The following UBA5 variants were observed in gnomAD, a reference collection of about 807,000 sequenced individuals.
The protein encoded by UBA5 is ubiquitin like modifier activating enzyme 5.
Under a neutral mutation model 52.9 loss-of-function variants are expected in UBA5, and 28 were observed. The observed-to-expected ratio is 0.53, with a 90% CI of 0.39 to 0.73. The LOEUF (loss-of-function observed/expected upper bound fraction) is 0.73. Among genes scored for constraint, UBA5 ranks in the 30% least tolerant of loss-of-function variants. The probability of loss-of-function intolerance (pLI) is 0.00; values close to 1 mark genes in which losing one functional copy is unlikely to be tolerated. For missense variants in UBA5, 388 were observed against 492.7 expected, an observed-to-expected ratio of 0.79 and a Z score of 2.01; for synonymous variants, 135 against 162.1, an observed-to-expected ratio of 0.83 and a Z score of 1.27.
At chr3:132,662,846 G>A (rs777389328) in intron 1 of UBA5, among the ~76,000 whole-genome samples, 4 of 152,218 alleles carry the variant, frequency 2.6e-5, no homozygotes, top group Middle Eastern at 3.4e-3. Flanking sequence ...AACCCAAACC[G>A]TTTCCCTCAT....
Position 132,676,689 on chromosome 3 carries a change from C to A in UBA5, c.*163C>A. ...CCTGTGACTTGCCTGTTTCTCCCCG[C>A]TCCAACGAAATCATTAACTCTCCTA... On this transcript the variant is annotated 3_prime_UTR_variant, in exon 12 of 12. Coordinates refer to ENST00000356232, the MANE Select transcript of UBA5 (RefSeq NM_024818.6). The surrounding 1 kb of genome is among the most constrained non-coding windows in gnomAD (Gnocchi z 4.1). 1.6e-6 allele frequency: 1 copy of A among 616,790 alleles called. No individual in the cohort carries two copies. Among genetic ancestry groups the A allele is most frequent in the Non-Finnish European group, 2.9e-6 (1 of 342,588 alleles). 38.2% of individuals were successfully genotyped at this position (616,790 alleles called of 1,614,324 possible).
upstream of UBA5, among the ~76,000 whole-genome samples, chr3:132,655,764 T>C (rs1297674937): frequency 6.6e-6 from 1 of 152,226 alleles, no homozygotes; most frequent in African/African-American, 2.4e-5. Flanking sequence ...AAGATTATTG[T>C]TACATCCTCA....
At chr3:132,665,632 A>G in intron 1 of UBA5, 191 bp from the exon 2 acceptor site, 1 of 571,502 alleles carries the variant, frequency 1.7e-6, no homozygotes. Flanking sequence ...TACACTTGGG[A>G]GAGTTTTTTT....
Position 132,660,706 on chromosome 3 carries a change from G to T in UBA5, c.161+8G>T. On this transcript the variant is annotated splice_region_variant and intron_variant, in intron 1 of 11. Transcript: ENST00000356232. The surrounding 1 kb of genome is among the most constrained non-coding windows in gnomAD (Gnocchi z 4.1). ...GGATTCGAATCCCTACAGGTAACCT[G>T]CGTCGCCGGTCGGAGGCAGGCGCGG... 1 of 1,536,314 alleles carries T rather than the reference G, an allele frequency of 6.5e-7. No individual in the cohort carries two copies. Among genetic ancestry groups the T allele is most frequent in the Non-Finnish European group, 8.8e-7 (1 of 1,136,248 alleles).
chr3:132,668,927 G>T lies in UBA5; in HGVS notation c.407G>T (p.Arg136Met). The change falls in exon 4 of 12, where the codon AGG (arginine) becomes ATG (methionine). Residue 136 changes from arginine (R) to methionine (M), a missense_variant and splice_region_variant. By Grantham distance (91) the Arg-to-Met change is moderately conservative. Around this residue, in one of 3 missense-constraint regions of UBA5, gnomAD observed 277 missense variants for 326.4 expected, o/e 0.85. Coordinates refer to ENST00000356232, the MANE Select transcript of UBA5 (RefSeq NM_024818.6). ...SKVQAAEHTL[R>M]NINPDVLFEV... ...GTTCAAGCAGCAGAACATACTCTGA[G>T]GTAAATGGAATAGCAATCAAGTACC... The T allele has an allele frequency of 6.3e-7, 1 of 1,579,374 alleles. No homozygotes were observed. Among genetic ancestry groups the T allele is most frequent in the Non-Finnish European group, 8.6e-7 (1 of 1,159,276 alleles).
intron 1 of UBA5, chr3:132,661,175 C>T: frequency 1.6e-6 from 1 of 635,892 alleles, no homozygotes; most frequent in South Asian, 2.0e-5. Flanking sequence ...TTCGACATTA[C>T]CAAGACTGCC....
At position 132,675,594 on chromosome 3, in the gene UBA5, G is replaced by T; in HGVS notation, c.949-11G>T. 2 of 1,607,424 alleles carry T rather than the reference G, an allele frequency of 1.2e-6. No individual in the cohort carries two copies. Among genetic ancestry groups the T allele is most frequent in the South Asian group, 2.2e-5 (2 of 89,586 alleles). ...GAGTAAGAACACTTTGATGCTGTTTGATTTCTACAGAAAAAGGTAGCAGCA... is the reference window on the plus strand; with the variant it reads ...GAGTAAGAACACTTTGATGCTGTTTTATTTCTACAGAAAAAGGTAGCAGCA... On this transcript the variant is annotated splice_polypyrimidine_tract_variant and intron_variant, in intron 9 of 11. Transcript: ENST00000356232.
chr3:132,659,671 G>C, upstream of UBA5: 4 of 1,611,488 alleles, frequency 2.5e-6, no homozygotes, highest in South Asian at 1.1e-5. Context: ...GGTTTAGGTA[G>C]GCCTCCAGGG....
chr3:132,660,285 C>T (rs1938074051), upstream of UBA5: 1 of 579,452 alleles, frequency 1.7e-6, no homozygotes, highest in East Asian at 3.0e-5. The surrounding 1 kb of genome is among the most constrained non-coding windows in gnomAD (Gnocchi z 4.1). Context: ...AGGAAGGAAG[C>T]CGAAAGAGCC....
upstream of UBA5, among the ~76,000 whole-genome samples, chr3:132,656,546 T>G (rs1937815055): frequency 6.6e-6 from 1 of 151,126 alleles, no homozygotes; most frequent in Non-Finnish European, 1.5e-5. Flanking sequence ...CAGACTGGAG[T>G]GCAGTGCTGT....
In UBA5 at chr3:132,679,464, A is replaced by G. The variant is rs1938963762; in HGVS notation, c.*2938A>G. Among the ~76,000 whole-genome samples the G allele has an allele frequency of 6.6e-6, 1 of 152,218 alleles. No homozygotes were observed. The highest frequency in any genetic ancestry group is 2.1e-4 in the South Asian group (1 of 4,832). On this transcript the variant is annotated 3_prime_UTR_variant, in exon 12 of 12. Coordinates refer to ENST00000356232, the MANE Select transcript of UBA5 (RefSeq NM_024818.6). ...GCTATTTTTATCTTCTTAAGTATGC[A>G]TTCTACATGAGAACGTTTGGGTTGG...
upstream of UBA5, among the ~76,000 whole-genome samples, chr3:132,655,455 C>T (rs1937737332): frequency 6.6e-6 from 1 of 152,212 alleles, no homozygotes; most frequent in Non-Finnish European, 1.5e-5. Context: ...GCTTACACTA[C>T]TTCAGGCATT....
chr3:132,658,854 A>G (rs569361700), upstream of UBA5, among the ~76,000 whole-genome samples: 1 of 152,324 alleles, frequency 6.6e-6, no homozygotes, highest in Admixed American at 6.5e-5. Context: ...CATTAATAAG[A>G]CTAATCAAAA....
chr3:132,654,965 G>A (rs928571303), intron 1 of UBA5, among the ~76,000 whole-genome samples: 4 of 152,196 alleles, frequency 2.6e-5, no homozygotes, highest in African/African-American at 9.7e-5. Flanking sequence ...ATAAACCTGT[G>A]CAGCATGTGA....
chr3:132,675,720 A>G, intron 10 of UBA5, 40 bp downstream of exon 10: 1 of 1,557,640 alleles, frequency 6.4e-7, no homozygotes, highest in African/African-American at 1.4e-5. Flanking sequence ...AGTATAAAAC[A>G]AAACCTTTTA....
At position 132,679,753 on chromosome 3, in the gene UBA5, C is replaced by A. The variant is rs1387265565; in HGVS notation, c.*3227C>A. Among the ~76,000 whole-genome samples the A allele has an allele frequency of 6.6e-6, 1 of 152,138 alleles. No homozygotes were observed. The highest frequency in any genetic ancestry group is 2.4e-5 in the African/African-American group (1 of 41,418). On this transcript the variant is annotated 3_prime_UTR_variant, in exon 12 of 12. Coordinates refer to ENST00000356232, the MANE Select transcript of UBA5 (RefSeq NM_024818.6). ...GCTATGTATTAAATGACTTGTACCA[C>A]TAAATAATCAAATTCTAAGCTCTAA...
intron 3 of UBA5, chr3:132,667,519 G>A (rs1340241986): frequency 2.0e-5 from 3 of 152,170 alleles, no homozygotes; most frequent in Non-Finnish European, 4.4e-5. Context: ...GTAAGTTTCA[G>A]GAAGTCTTTC....
At chr3:132,668,771 A>T (rs777611847) in intron 3 of UBA5, 47 bp from the exon 4 acceptor site, 1 of 1,201,798 alleles carries the variant, frequency 8.3e-7, no homozygotes, top group Non-Finnish European at 1.2e-6. Context: ...TGATATGTTT[A>T]GTTTTTTGGT....
upstream of UBA5, chr3:132,659,673 C>T (rs780673385): frequency 1.9e-5 from 31 of 1,611,556 alleles, 1 homozygote; most frequent in South Asian, 3.1e-4. Flanking sequence ...TTTAGGTAGG[C>T]CTCCAGGGAC....
Sources: gnomAD v4.1 joint callset for allele counts (sites outside exome capture counted in the v4.1 genomes callset) on GRCh38, gnomAD v4.1.1 for gene constraint, gnomAD v4.1.1 regional missense constraint, Gnocchi (gnomAD v3.1) non-coding constraint, MANE v1.5 for transcripts, NCBI Gene and HGNC (gene_info 2026-07-23, HGNC 2026-07-21) for gene names.